Variants in HPRT1 observed in about 807,000 individuals in gnomAD.
HPRT1 encodes hypoxanthine phosphoribosyltransferase 1, also known as hypoxanthine-guanine phosphoribosyltransferase.
Under a neutral mutation model 19.0 loss-of-function variants are expected in HPRT1, and 4 were observed. That is an observed-to-expected ratio of 0.21 (90% CI 0.10 to 0.48). The LOEUF (loss-of-function observed/expected upper bound fraction) is 0.48. HPRT1 is among the 20% of genes least tolerant of loss of function. The pLI is 0.98. For synonymous variants in HPRT1, 53 were observed against 54.9 expected (o/e 0.97, Z 0.15); for missense variants, 65 against 164.0 (o/e 0.40, Z 3.30).
intron 4 of HPRT1, among the ~76,000 whole-genome samples, chrX:134,488,932 G>A (rs1166406982): frequency 3.6e-5 from 4 of 111,726 alleles, no homozygotes; most frequent in Admixed American, 2.9e-4. Flanking sequence ...TTTCCTGCCT[G>A]TAAAATAGGC....
chrX:134,486,602 AATCACT>A (rs1460362508), intron 4 of HPRT1, 72 bp downstream of exon 4: 4 of 614,455 alleles, frequency 6.5e-6, no homozygotes, highest in Non-Finnish European at 8.3e-6. Context: ...GCTTTCAATC[AATCACT>A]AAGAGATAAT....
intron 1 of HPRT1, 100 bp downstream of exon 1, chrX:134,460,438 C>G (rs1303598662): frequency 5.6e-6 from 4 of 710,993 alleles, no homozygotes; most frequent in African/African-American, 4.5e-5. Context: ...CTCGGGCGGC[C>G]GGGCCCAGGG....
At chrX:134,492,462 C>A (rs970248409) in intron 5 of HPRT1, 3 of 328,736 alleles carry the variant, frequency 9.1e-6, no homozygotes, top group Non-Finnish European at 1.8e-5. Context: ...CTCAGGGGCT[C>A]ATCAAGCTGA....
chrX:134,475,448 G>A, intron 3 of HPRT1, 84 bp downstream of exon 3: 1 of 609,436 alleles, frequency 1.6e-6, no homozygotes, highest in Non-Finnish European at 2.6e-6. Flanking sequence ...AACCATACTT[G>A]CTTTCATTTC....
intron 1 of HPRT1, among the ~76,000 whole-genome samples, chrX:134,463,841 A>T (rs1488854579): frequency 9.0e-6 from 1 of 111,692 alleles, no homozygotes; most frequent in Non-Finnish European, 1.9e-5. Flanking sequence ...ACCACCATTA[A>T]TATCAATATT....
intron 1 of HPRT1, chrX:134,460,588 G>T: frequency 4.5e-6 from 1 of 220,956 alleles, no homozygotes; most frequent in Non-Finnish European, 8.2e-6. Context: ...TGTGGGAAGA[G>T]AAGGTGGAAA....
In HPRT1 at chrX:134,460,818, C is replaced by T. The variant is rs1389639034; in HGVS notation, c.27+480C>T. On this transcript the variant is annotated intron_variant, in intron 1 of 8. Coordinates refer to ENST00000298556, the MANE Select transcript of HPRT1 (RefSeq NM_000194.3). ...AGGGCGTGTGGGGACCAGGTTTTGCCTTTAGTTTTGCACACACTGTAGTTC... is the reference window on the plus strand; with the variant it reads ...AGGGCGTGTGGGGACCAGGTTTTGCTTTTAGTTTTGCACACACTGTAGTTC... Among the ~76,000 whole-genome samples the T allele has an allele frequency of 1.9e-4, 21 of 110,561 alleles. No individual in the cohort carries two copies. The Admixed American group carries it at 2.0e-3, about 11-fold the overall frequency.
intron 1 of HPRT1, among the ~76,000 whole-genome samples, chrX:134,471,731 C>T (rs913664273): frequency 5.5e-5 from 6 of 109,824 alleles, no homozygotes; most frequent in African/African-American, 2.0e-4. Context: ...ACCTCCACCT[C>T]CCGGGCTCAG....
intron 5 of HPRT1, among the ~76,000 whole-genome samples, chrX:134,493,144 G>A (rs2077672014): frequency 8.9e-6 from 1 of 111,774 alleles, no homozygotes; most frequent in Non-Finnish European, 1.9e-5. Flanking sequence ...TTTCTCGAGT[G>A]TAGTCTGTTA....
At chrX:134,497,367 C>T (rs1373639105) in intron 6 of HPRT1, among the ~76,000 whole-genome samples, 3 of 111,385 alleles carry the variant, frequency 2.7e-5, no homozygotes, top group African/African-American at 9.8e-5. Flanking sequence ...CGCAGTGGCT[C>T]ACGCCTGTGA....
intron 2 of HPRT1, among the ~76,000 whole-genome samples, chrX:134,474,399 C>A (rs1447084602): frequency 9.6e-6 from 1 of 103,935 alleles, no homozygotes; most frequent in African/African-American, 3.6e-5. Flanking sequence ...ATGAGAGTAC[C>A]TTTCTCTTCA....
chrX:134,495,523 T>C (rs1033491060), intron 6 of HPRT1, among the ~76,000 whole-genome samples: 3 of 112,078 alleles, frequency 2.7e-5, no homozygotes, highest in Admixed American at 1.9e-4. Context: ...GATCTCATTG[T>C]AGTGAGCAGC....
chrX:134,466,600 C>T (rs915708656), intron 1 of HPRT1, among the ~76,000 whole-genome samples: 1 of 111,682 alleles, frequency 9.0e-6, no homozygotes, highest in Non-Finnish European at 1.9e-5. Flanking sequence ...TTAAGTCACT[C>T]AGTCTGTGGT....
At chrX:134,479,810 T>C (rs144844997) in intron 3 of HPRT1, among the ~76,000 whole-genome samples, 2,797 of 111,049 alleles carry the variant, frequency 0.025, 95 homozygotes, top group African/African-American at 0.086. Context: ...GGTTTTGCCA[T>C]GTTGCCCAGG....
chrX:134,473,220 C>A, intron 1 of HPRT1, 139 bp from the exon 2 acceptor site: 2 of 479,016 alleles, frequency 4.2e-6, no homozygotes, highest in Admixed American at 3.0e-5. Context: ...CATTATCATA[C>A]CTACAAAGTT....
rs758761334 is a variant in HPRT1 at position 134,460,224 on chromosome X, G to A, written c.-88G>A. The A allele has an allele frequency of 1.0e-6, 1 of 1,000,448 alleles. No homozygotes were observed. Among genetic ancestry groups the A allele is most frequent in the Non-Finnish European group, 1.3e-6 (1 of 748,975 alleles). 82.4% of individuals were successfully genotyped at this position (1,000,448 alleles called of 1,213,427 possible). ...CCTCTCGGCTTTCCCGCGCGGCGCC[G>A]CCTCTTGCTGCGCCTCCGCCTCCTC... On this transcript the variant is annotated 5_prime_UTR_variant, in exon 1 of 9. Transcript: ENST00000298556.
intron 6 of HPRT1, among the ~76,000 whole-genome samples, chrX:134,497,716 G>A (rs1413402420): frequency 9.0e-6 from 1 of 111,443 alleles, no homozygotes; most frequent in East Asian, 2.8e-4. Flanking sequence ...GGAGACCGAG[G>A]TGGGCGGATC....
chrX:134,467,161 CTGCCTCGGCCTCCCAAGTAACTGG>C (rs1172628515), intron 1 of HPRT1, among the ~76,000 whole-genome samples: 4 of 107,569 alleles, frequency 3.7e-5, no homozygotes, highest in Non-Finnish European at 7.6e-5. Flanking sequence ...AGCGATTCTC[CTGCCTCGGCCTCCCAAGTAACTGG>C]GACTACAGGC....
At chrX:134,462,892 TTAAG>T (rs974687455) in intron 1 of HPRT1, among the ~76,000 whole-genome samples, 3 of 111,947 alleles carry the variant, frequency 2.7e-5, no homozygotes, top group African/African-American at 9.7e-5. Flanking sequence ...ATCAGAGAGG[TTAAG>T]TAACTTGCCC....
Sources: allele counts gnomAD v4.1 joint callset (sites outside exome capture counted in the v4.1 genomes callset), GRCh38; gene constraint gnomAD v4.1.1; transcripts MANE v1.5; gene names NCBI Gene and HGNC (gene_info 2026-07-23, HGNC 2026-07-21).